The following GPR39 variants were observed in gnomAD, a reference collection of about 807,000 sequenced individuals.
GPR39 encodes zinc sensing receptor.
In GPR39, 23 loss-of-function variants were observed where a neutral mutation model predicts 18.4. The observed-to-expected ratio is 1.25, with a 90% CI of 0.90 to 1.77. The LOEUF (loss-of-function observed/expected upper bound fraction) is 1.77, where lower values mean the gene tolerates loss of function less well. Among genes scored for constraint, GPR39 ranks in the 40% most tolerant of loss-of-function variants. The pLI is 0.00. For missense variants in GPR39, 647 were observed against 602.4 expected (o/e 1.07, Z -0.78); for synonymous variants, 280 against 257.9 (o/e 1.09, Z -0.82).
chr2:132,586,013 C>A (rs1420428036), intron 1 of GPR39, among the ~76,000 whole-genome samples: 1 of 122,600 alleles, frequency 8.2e-6, no homozygotes, highest in African/African-American at 3.2e-5. Context: ...GCAGAAAGTT[C>A]ATTAACACTC....
intron 1 of GPR39, among the ~76,000 whole-genome samples, chr2:132,552,917 T>C (rs540640548): frequency 7.0e-4 from 92 of 131,340 alleles, no homozygotes; most frequent in Non-Finnish European, 9.6e-4. Flanking sequence ...CACATATATA[T>C]ACACACACAC....
intron 1 of GPR39, among the ~76,000 whole-genome samples, chr2:132,492,584 CACCATATATAT>C (rs1228210240): frequency 1.5e-5 from 2 of 135,836 alleles, no homozygotes; most frequent in African/African-American, 5.9e-5. Context: ...TATATATACA[CACCATATATAT>C]ACCATATATA....
chr2:132,574,501 C>T (rs13397324), intron 1 of GPR39, among the ~76,000 whole-genome samples: 34,041 of 152,132 alleles, frequency 0.22, 4,976 homozygotes, highest in Non-Finnish European at 0.34. Flanking sequence ...GAGGCTGAGG[C>T]AGGCAGATCT....
At chr2:132,495,412 G>A (rs1262166742) in intron 1 of GPR39, among the ~76,000 whole-genome samples, 2 of 152,114 alleles carry the variant, frequency 1.3e-5, no homozygotes, top group Non-Finnish European at 2.9e-5. Context: ...TTTCAGTTTG[G>A]AAGCCCCAAA....
chr2:132,487,771 AG>A (rs1470424960), intron 1 of GPR39, among the ~76,000 whole-genome samples: 1 of 152,174 alleles, frequency 6.6e-6, no homozygotes, highest in African/African-American at 2.4e-5. Context: ...GAAAAATGAG[AG>A]GATAAGAGTC....
At chr2:132,592,976 C>T (rs1260941158) in intron 1 of GPR39, among the ~76,000 whole-genome samples, 2 of 152,196 alleles carry the variant, frequency 1.3e-5, no homozygotes, top group South Asian at 2.1e-4. Flanking sequence ...TTGATGACCA[C>T]GACCACCCTC....
chr2:132,448,497 T>C (rs1425450272), intron 1 of GPR39, among the ~76,000 whole-genome samples: 2 of 152,224 alleles, frequency 1.3e-5, no homozygotes, highest in African/African-American at 4.8e-5. Context: ...GGTTACTGGG[T>C]GCTGACCCCT....
chr2:132,508,964 C>T (rs1325166946), intron 1 of GPR39, among the ~76,000 whole-genome samples: 1 of 152,178 alleles, frequency 6.6e-6, no homozygotes, highest in Non-Finnish European at 1.5e-5. Flanking sequence ...GCTCTTTGGT[C>T]TCCCAGAAGA....
intron 1 of GPR39, among the ~76,000 whole-genome samples, chr2:132,493,465 A>T (rs1251531761): frequency 7.0e-6 from 1 of 143,686 alleles, no homozygotes; most frequent in Non-Finnish European, 1.5e-5. Flanking sequence ...CCATATATAT[A>T]TACACCATAT....
At chr2:132,634,047 ATGATGG>A (rs1681702944) in intron 1 of GPR39, among the ~76,000 whole-genome samples, 1 of 151,214 alleles carries the variant, frequency 6.6e-6, no homozygotes, top group African/African-American at 2.4e-5. Context: ...GGAGGTGATG[ATGATGG>A]TGGGGGTGGC....
At chr2:132,523,082 C>T (rs761427960) in intron 1 of GPR39, among the ~76,000 whole-genome samples, 1 of 152,238 alleles carries the variant, frequency 6.6e-6, no homozygotes, top group Non-Finnish European at 1.5e-5. Context: ...GCCATCTTTA[C>T]TCTGTAAAAT....
intron 1 of GPR39, among the ~76,000 whole-genome samples, chr2:132,462,321 A>T (rs1304733060): frequency 6.6e-6 from 1 of 151,952 alleles, no homozygotes. Flanking sequence ...TTCTTGTGAA[A>T]GGATATGATT....
chr2:132,620,173 A>G (rs968367898), intron 1 of GPR39, among the ~76,000 whole-genome samples: 5 of 151,738 alleles, frequency 3.3e-5, no homozygotes, highest in East Asian at 1.9e-4. Context: ...CTTGTAAGCA[A>G]CTCCCCAGGA....
At chr2:132,564,818 T>TTTTTTTTTTTTTTTG (rs1558841474) in intron 1 of GPR39, among the ~76,000 whole-genome samples, 8 of 131,694 alleles carry the variant, frequency 6.1e-5, no homozygotes, top group Non-Finnish European at 1.3e-4. Context: ...TTCTTTTTTT[T>TTTTTTTTTTTTTTTG]TTTTTTTTTT....
chr2:132,465,352 T>C (rs1193685494), intron 1 of GPR39, among the ~76,000 whole-genome samples: 1 of 152,190 alleles, frequency 6.6e-6, no homozygotes, highest in African/African-American at 2.4e-5. Flanking sequence ...GCCCAGGAAC[T>C]CTGGGGCCTG....
At chr2:132,612,998 T>C (rs1553460177) in intron 1 of GPR39, among the ~76,000 whole-genome samples, 1 of 152,238 alleles carries the variant, frequency 6.6e-6, no homozygotes, top group Non-Finnish European at 1.5e-5. Context: ...TGCTTTTCAA[T>C]GTAGAGGTCT....
chr2:132,425,312 A>G (rs1438019399), intron 1 of GPR39, among the ~76,000 whole-genome samples: 1 of 152,180 alleles, frequency 6.6e-6, no homozygotes, highest in African/African-American at 2.4e-5. Context: ...GGAACTCCCT[A>G]AGATCAGGGA....
At chr2:132,486,051 T>C (rs940234805) in intron 1 of GPR39, among the ~76,000 whole-genome samples, 1 of 152,220 alleles carries the variant, frequency 6.6e-6, no homozygotes, top group African/African-American at 2.4e-5. Context: ...GTTGTGTTAA[T>C]AGGTATGAAC....
intron 1 of GPR39, among the ~76,000 whole-genome samples, chr2:132,573,635 A>C (rs1680480820): frequency 6.6e-6 from 1 of 152,078 alleles, no homozygotes; most frequent in African/African-American, 2.4e-5. Flanking sequence ...GAACTTCAAG[A>C]TCCATCCCCC....
Sources: gnomAD v4.1 joint callset for allele counts (sites outside exome capture counted in the v4.1 genomes callset) on GRCh38, gnomAD v4.1.1 for gene constraint, MANE v1.5 for transcripts, NCBI Gene and HGNC (gene_info 2026-07-23, HGNC 2026-07-21) for gene names.